Variants in DSCAML1 observed in about 807,000 individuals in gnomAD.
DSCAML1 encodes cell adhesion molecule DSCAML1.
A neutral mutation model predicts 200.5 loss-of-function variants in DSCAML1; 38 were observed. That is an observed-to-expected ratio of 0.19 (90% CI 0.15 to 0.25). The LOEUF (loss-of-function observed/expected upper bound fraction) is 0.25. Among genes scored for constraint, DSCAML1 ranks in the 10% least tolerant of loss-of-function variants. The pLI is 1.00. For synonymous variants in DSCAML1, 1,215 were observed against 1,165.0 expected (o/e 1.04, Z -0.87); for missense variants, 2,223 against 2,858.8 (o/e 0.78, Z 5.07).
intron 3 of DSCAML1, among the ~76,000 whole-genome samples, chr11:117,764,085 C>T (rs889895450): frequency 9.2e-5 from 14 of 152,184 alleles, no homozygotes; most frequent in African/African-American, 3.4e-4. Context: ...CTATTAGACC[C>T]TGAAGGCTGG....
At position 117,503,310 on chromosome 11, in the gene DSCAML1, G is replaced by A. The variant is rs1337193829; in HGVS notation, c.2359+535C>T. Among the ~76,000 whole-genome samples, 3 of 152,170 alleles carry A rather than the reference G, an allele frequency of 2.0e-5. No individual in the cohort carries two copies. The highest frequency in any genetic ancestry group is 4.4e-5 in the Non-Finnish European group (3 of 68,016). ...TTTTGTGAGATCAGTGGGCTGGGAA[G>A]GGAACCCTCGTACAGGTGAGGAAAC... On this transcript the variant is annotated intron_variant, in intron 11 of 32. Transcript: ENST00000651296. The surrounding 1 kb of genome is among the most constrained non-coding windows in gnomAD (Gnocchi z 5.2).
At chr11:117,744,572 C>A (rs902804444) in intron 3 of DSCAML1, among the ~76,000 whole-genome samples, 1 of 152,244 alleles carries the variant, frequency 6.6e-6, no homozygotes, top group Non-Finnish European at 1.5e-5. Context: ...TCCTCCTCTG[C>A]GTCCTGCCAG....
At chr11:117,461,377 C>G (rs945381347) in intron 18 of DSCAML1, 73 bp downstream of exon 18, 2 of 1,599,136 alleles carry the variant, frequency 1.3e-6, no homozygotes, top group Non-Finnish European at 1.7e-6. Context: ...TCAGCTCTAA[C>G]TACGCCTGGA....
chr11:117,786,092 C>T (rs934689633), intron 1 of DSCAML1, among the ~76,000 whole-genome samples: 3 of 152,172 alleles, frequency 2.0e-5, no homozygotes, highest in Admixed American at 6.5e-5. Flanking sequence ...AGCCACTCCC[C>T]GCAGCTCTTT....
At chr11:117,646,276 C>T (rs1007456422) in intron 3 of DSCAML1, among the ~76,000 whole-genome samples, 1 of 151,868 alleles carries the variant, frequency 6.6e-6, no homozygotes, top group African/African-American at 2.4e-5. Flanking sequence ...TGCAGAGTCC[C>T]GGGACTCCCT....
intron 3 of DSCAML1, among the ~76,000 whole-genome samples, chr11:117,749,464 A>G (rs2054569425): frequency 6.6e-6 from 1 of 152,210 alleles, no homozygotes; most frequent in African/African-American, 2.4e-5. Context: ...TGTGCCTCTA[A>G]CACTCCCTGT....
At chr11:117,725,977 T>C (rs1489134008) in intron 3 of DSCAML1, among the ~76,000 whole-genome samples, 2 of 152,132 alleles carry the variant, frequency 1.3e-5, no homozygotes, top group Non-Finnish European at 2.9e-5. Flanking sequence ...CCCCACCATA[T>C]TGAGTGACAG....
At chr11:117,675,329 G>A (rs1565867687) in intron 3 of DSCAML1, among the ~76,000 whole-genome samples, 2 of 152,050 alleles carry the variant, frequency 1.3e-5, no homozygotes, top group Non-Finnish European at 2.9e-5. Flanking sequence ...CCAGGATCTC[G>A]CTCTGTTGCT....
intron 3 of DSCAML1, among the ~76,000 whole-genome samples, chr11:117,535,367 T>A (rs1237203391): frequency 3.3e-5 from 5 of 152,204 alleles, no homozygotes; most frequent in Admixed American, 3.3e-4. Context: ...TCCTCCCAGA[T>A]GGGCACTCGG....
chr11:117,587,911 G>A (rs918618727), intron 3 of DSCAML1, among the ~76,000 whole-genome samples: 2 of 152,050 alleles, frequency 1.3e-5, no homozygotes, highest in Non-Finnish European at 1.5e-5. Context: ...CTCTCTGCTC[G>A]GCACTGGAGG....
chr11:117,504,865 G>A lies in DSCAML1; in HGVS notation c.2182+59C>T. The A allele has an allele frequency of 4.5e-6, 7 of 1,550,270 alleles. No homozygotes were observed. In the South Asian group the frequency reaches 8.9e-5, roughly 20 times the overall value. ...ATGGAACAGGTTCAAATCCCACAGAGCATCCTCCGTTCCCCGTCCCTGCCC... is the reference window on the plus strand; with the variant it reads ...ATGGAACAGGTTCAAATCCCACAGAACATCCTCCGTTCCCCGTCCCTGCCC... On this transcript the variant is annotated intron_variant, in intron 10 of 32. Coordinates refer to ENST00000651296, the MANE Select transcript of DSCAML1 (RefSeq NM_020693.4). The surrounding 1 kb of genome is among the most constrained non-coding windows in gnomAD (Gnocchi z 5.0).
At chr11:117,543,489 G>A (rs1047306274) in intron 3 of DSCAML1, among the ~76,000 whole-genome samples, 1 of 152,186 alleles carries the variant, frequency 6.6e-6, no homozygotes, top group Non-Finnish European at 1.5e-5. Flanking sequence ...CTGTGCTGGT[G>A]CATGTACCTG....
At chr11:117,637,678 C>G (rs190718898) in intron 3 of DSCAML1, among the ~76,000 whole-genome samples, 173 of 152,216 alleles carry the variant, frequency 1.1e-3, no homozygotes, top group Admixed American at 2.5e-3. Flanking sequence ...ATGAATGAAT[C>G]AGAGAGAAAA....
At chr11:117,451,768 T>G (rs1481395562) in intron 19 of DSCAML1, among the ~76,000 whole-genome samples, 2 of 150,420 alleles carry the variant, frequency 1.3e-5, no homozygotes, top group Admixed American at 1.3e-4. Flanking sequence ...TGAGCTGAGA[T>G]CACGCCATTG....
At position 117,481,237 on chromosome 11, in the gene DSCAML1, A is replaced by G; in HGVS notation, c.2593T>C (p.Phe865Leu). The change falls in exon 13 of 33, where the codon TTC becomes CTC. Residue 865 changes from phenylalanine to leucine, a missense_variant. Physicochemically the swap from Phe to Leu is conservative, Grantham distance 22. Coordinates refer to ENST00000651296, the MANE Select transcript of DSCAML1 (RefSeq NM_020693.4). ...TACGAGTTGATGGCATGGCAGCTGA[A>G]GAACACAGAGTCCCCACGGTCAGCG... ...KPADRGDSVF[F>L]SCHAINSYGE... 1 of 1,613,942 alleles carries G rather than the reference A, an allele frequency of 6.2e-7. No individual in the cohort carries two copies. Among genetic ancestry groups the G allele is most frequent in the East Asian group, 2.2e-5 (1 of 44,818 alleles).
At chr11:117,468,593 C>T (rs933181433) in intron 16 of DSCAML1, among the ~76,000 whole-genome samples, 1 of 152,182 alleles carries the variant, frequency 6.6e-6, no homozygotes, top group Non-Finnish European at 1.5e-5. Flanking sequence ...TGCCCGGCCT[C>T]ACCCCACTTT....
chr11:117,662,176 G>A (rs1015243121), intron 3 of DSCAML1, among the ~76,000 whole-genome samples: 2 of 152,216 alleles, frequency 1.3e-5, no homozygotes, highest in African/African-American at 4.8e-5. Flanking sequence ...CTTCACTTCT[G>A]TTGGTCACAC....
intron 3 of DSCAML1, among the ~76,000 whole-genome samples, chr11:117,606,634 G>A (rs1355042225): frequency 1.3e-5 from 2 of 152,088 alleles, no homozygotes; most frequent in Admixed American, 1.3e-4. Flanking sequence ...GGTTCCATCC[G>A]TCCTTCCACC....
intron 3 of DSCAML1, among the ~76,000 whole-genome samples, chr11:117,539,149 C>T (rs970685660): frequency 3.3e-5 from 5 of 152,200 alleles, no homozygotes; most frequent in Non-Finnish European, 5.9e-5. Flanking sequence ...CCATTTCACT[C>T]ACGAGGAAAC....
Sources: allele counts gnomAD v4.1 joint callset (sites outside exome capture counted in the v4.1 genomes callset), GRCh38; gene constraint gnomAD v4.1.1; non-coding constraint Gnocchi (gnomAD v3.1); transcripts MANE v1.5; gene names NCBI Gene and HGNC (gene_info 2026-07-23, HGNC 2026-07-21).